The following LRRC37A2 variants were observed in gnomAD, a reference collection of about 807,000 sequenced individuals.
LRRC37A2 encodes leucine-rich repeat-containing protein 37A2.
A neutral mutation model predicts 68.8 loss-of-function variants in LRRC37A2; 9 were observed. The ratio of observed to expected loss-of-function variants is 0.13; its 90% CI spans 0.08 to 0.23. The LOEUF (loss-of-function observed/expected upper bound fraction) is 0.23, where lower values mean the gene tolerates loss of function less well. Among genes scored for constraint, LRRC37A2 ranks in the 10% least tolerant of loss-of-function variants. The pLI is 1.00. For synonymous variants in LRRC37A2, 63 were observed against 367.6 expected, an observed-to-expected ratio of 0.17 and a Z score of 9.48; for missense variants, 168 against 950.4, an observed-to-expected ratio of 0.18 and a Z score of 10.82.
the LRRC37A2 span, among the ~76,000 whole-genome samples, chr17:46,605,351 G>T: frequency 3.5e-5 from 4 of 112,860 alleles, no homozygotes; most frequent in Non-Finnish European, 7.5e-5. Context: ...AGGAGGCTGA[G>T]GCAGGAGAAT....
At chr17:46,762,488 C>G in the LRRC37A2 span, 1 of 151,834 alleles carries the variant, frequency 6.6e-6, no homozygotes, top group African/African-American at 2.4e-5. Flanking sequence ...AAACTCCACA[C>G]AGTGTACAAT....
the LRRC37A2 span, among the ~76,000 whole-genome samples, chr17:46,944,783 A>G: frequency 6.6e-6 from 1 of 151,964 alleles, no homozygotes; most frequent in South Asian, 2.1e-4. Context: ...TATTTTTAGT[A>G]GAAACGGGGT....
the LRRC37A2 span, among the ~76,000 whole-genome samples, chr17:46,928,720 G>A: frequency 2.0e-5 from 3 of 152,154 alleles, no homozygotes; most frequent in Non-Finnish European, 4.4e-5. Flanking sequence ...CCTCCAGTGA[G>A]TCACTTCAGC....
At chr17:46,794,091 G>A in the LRRC37A2 span, among the ~76,000 whole-genome samples, 7 of 152,056 alleles carry the variant, frequency 4.6e-5, no homozygotes, top group African/African-American at 1.7e-4. Flanking sequence ...TTAGCAAGGG[G>A]ACAGCCAGCT....
the LRRC37A2 span, among the ~76,000 whole-genome samples, chr17:47,032,347 TATC>T: frequency 6.7e-6 from 1 of 149,706 alleles, no homozygotes; most frequent in Non-Finnish European, 1.5e-5. Flanking sequence ...CGGTTATTAT[TATC>T]ATTTCTATTT....
chr17:46,605,987 T>A, the LRRC37A2 span, among the ~76,000 whole-genome samples: 2 of 27,212 alleles, frequency 7.3e-5, no homozygotes, highest in African/African-American at 2.3e-4. Flanking sequence ...TCGTCTCTAC[T>A]AAAAATACAA....
the LRRC37A2 span, among the ~76,000 whole-genome samples, chr17:46,497,629 C>A: frequency 3.3e-5 from 5 of 150,532 alleles, 1 homozygote; most frequent in African/African-American, 1.0e-4. Flanking sequence ...TATCTATATA[C>A]ACTTTCAATG....
the LRRC37A2 span, chr17:46,930,838 A>T: frequency 2.4e-6 from 1 of 409,000 alleles, no homozygotes; most frequent in African/African-American, 2.0e-5. Flanking sequence ...TAGGAAATTT[A>T]TTTCTACAGA....
the LRRC37A2 span, among the ~76,000 whole-genome samples, chr17:46,866,365 A>C: frequency 2.0e-5 from 3 of 151,446 alleles, no homozygotes; most frequent in Non-Finnish European, 4.4e-5. Flanking sequence ...TGTGTGTGTG[A>C]GTGTGTATGT....
At chr17:46,882,217 A>G in the LRRC37A2 span, among the ~76,000 whole-genome samples, 1 of 152,196 alleles carries the variant, frequency 6.6e-6, no homozygotes, top group Admixed American at 6.5e-5. Flanking sequence ...CCACTCAAGA[A>G]TTAGGCATTG....
chr17:46,942,859 C>G, the LRRC37A2 span, among the ~76,000 whole-genome samples: 1 of 152,186 alleles, frequency 6.6e-6, no homozygotes, highest in Non-Finnish European at 1.5e-5. Flanking sequence ...GAGGAGTGTT[C>G]AGGGGTGCTG....
At chr17:46,534,168 C>T (rs1167866755) in intron 6 of LRRC37A2, among the ~76,000 whole-genome samples, 1 of 148,278 alleles carries the variant, frequency 6.7e-6, no homozygotes, top group Non-Finnish European at 1.5e-5. Flanking sequence ...CATGCACCAC[C>T]ATGCCCAGTT....
chr17:46,787,876 A>G, the LRRC37A2 span, among the ~76,000 whole-genome samples: 3 of 151,924 alleles, frequency 2.0e-5, no homozygotes, highest in African/African-American at 7.3e-5. Flanking sequence ...GAATCGCTTG[A>G]ACCTGGGAGG....
the LRRC37A2 span, among the ~76,000 whole-genome samples, chr17:46,808,681 C>T: frequency 3.3e-5 from 5 of 152,188 alleles, no homozygotes; most frequent in Non-Finnish European, 7.3e-5. Context: ...GATAGAGAAA[C>T]AACTTCTGCC....
the LRRC37A2 span, chr17:47,018,399 C>G: frequency 3.1e-6 from 5 of 1,602,632 alleles, no homozygotes; most frequent in African/African-American, 5.4e-5. Flanking sequence ...CCATCAAACT[C>G]ATCATTTAGA....
chr17:46,754,417 G>A, the LRRC37A2 span, among the ~76,000 whole-genome samples: 1 of 152,088 alleles, frequency 6.6e-6, no homozygotes, highest in Non-Finnish European at 1.5e-5. Flanking sequence ...CTGAGCATTT[G>A]AAAGTTATTC....
At chr17:47,033,465 G>C in the LRRC37A2 span, 1 of 682,820 alleles carries the variant, frequency 1.5e-6, no homozygotes, top group Non-Finnish European at 2.7e-6. Context: ...CATCTGATCT[G>C]CTTATTTCTT....
the LRRC37A2 span, among the ~76,000 whole-genome samples, chr17:46,824,706 G>C: frequency 6.6e-6 from 1 of 152,236 alleles, no homozygotes; most frequent in Admixed American, 6.5e-5. Context: ...AAACACTGTT[G>C]ATGATGGGCC....
chr17:46,903,835 G>A, the LRRC37A2 span, among the ~76,000 whole-genome samples: 4 of 151,250 alleles, frequency 2.6e-5, no homozygotes, highest in East Asian at 5.9e-4. Flanking sequence ...GTGGGTAGAT[G>A]AGTGGATGAT....
Sources: allele counts gnomAD v4.1 joint callset (sites outside exome capture counted in the v4.1 genomes callset), GRCh38; gene constraint gnomAD v4.1.1; transcripts MANE v1.5; gene names NCBI Gene and HGNC (gene_info 2026-07-23, HGNC 2026-07-21).